Variants in PDE3B observed in about 807,000 individuals in gnomAD.
PDE3B encodes cGMP-inhibited 3',5'-cyclic phosphodiesterase 3B.
A neutral mutation model predicts 116.8 loss-of-function variants in PDE3B; 66 were observed. That is an observed-to-expected ratio of 0.56 (90% CI 0.46 to 0.69). The LOEUF (loss-of-function observed/expected upper bound fraction) is 0.69. Ranked by LOEUF, PDE3B falls within the 30% of genes least tolerant of loss-of-function variation. The pLI is 0.00. For missense variants in PDE3B, 1,384 were observed against 1,368.1 expected, an observed-to-expected ratio of 1.01 and a Z score of -0.18; for synonymous variants, 595 against 533.6, an observed-to-expected ratio of 1.12 and a Z score of -1.59.
chr11:14,685,680 T>G (rs1175219886), intron 1 of PDE3B, among the ~76,000 whole-genome samples: 1 of 152,086 alleles, frequency 6.6e-6, no homozygotes, highest in Non-Finnish European at 1.5e-5. Flanking sequence ...GGTCTTGAAC[T>G]CCTGACCTCA....
chr11:14,848,501 G>A (rs1263980077), intron 12 of PDE3B, among the ~76,000 whole-genome samples: 1 of 151,982 alleles, frequency 6.6e-6, no homozygotes, highest in African/African-American at 2.4e-5. Flanking sequence ...CAATTAGGCA[G>A]GAGAAGGAAA....
chr11:14,777,909 G>A (rs887358396), intron 2 of PDE3B, among the ~76,000 whole-genome samples: 2 of 152,156 alleles, frequency 1.3e-5, no homozygotes, highest in Non-Finnish European at 2.9e-5. Flanking sequence ...CCTAGCCAAG[G>A]GAAGCCATGA....
At chr11:14,794,167 C>T (rs541727109) in intron 4 of PDE3B, among the ~76,000 whole-genome samples, 1 of 152,266 alleles carries the variant, frequency 6.6e-6, no homozygotes, top group African/African-American at 2.4e-5. Flanking sequence ...AACTCAATTT[C>T]TTCCACCATA....
chr11:14,864,999 C>G (rs1848017236), intron 14 of PDE3B, among the ~76,000 whole-genome samples: 1 of 151,972 alleles, frequency 6.6e-6, no homozygotes, highest in African/African-American at 2.4e-5. Context: ...CAGAGCAGAA[C>G]TGAAGGAGAT....
the PDE3B span, among the ~76,000 whole-genome samples, chr11:14,882,109 T>C: frequency 6.6e-6 from 1 of 152,146 alleles, no homozygotes; most frequent in Non-Finnish European, 1.5e-5. Context: ...TACTCCCAGA[T>C]GACTATTCAT....
chr11:14,809,674 C>G (rs1049913114), intron 5 of PDE3B, among the ~76,000 whole-genome samples: 2 of 152,048 alleles, frequency 1.3e-5, no homozygotes, highest in African/African-American at 4.8e-5. Context: ...GAGGTTGGAG[C>G]CTTTGTGAAT....
At chr11:14,649,360 C>A (rs1422681021) in intron 1 of PDE3B, among the ~76,000 whole-genome samples, 1 of 152,138 alleles carries the variant, frequency 6.6e-6, no homozygotes, top group African/African-American at 2.4e-5. Context: ...TTTATCTAAT[C>A]TAATTGAAAT....
intron 1 of PDE3B, among the ~76,000 whole-genome samples, chr11:14,739,997 C>T (rs779655001): frequency 5.9e-5 from 9 of 152,036 alleles, no homozygotes; most frequent in East Asian, 1.9e-4. Context: ...CTGCTGGATT[C>T]GGTTTGCCAG....
chr11:14,809,956 G>A (rs955597937), intron 5 of PDE3B, among the ~76,000 whole-genome samples: 2 of 151,918 alleles, frequency 1.3e-5, no homozygotes, highest in African/African-American at 4.8e-5. Context: ...GGAGTACTGA[G>A]TTAATGGTTT....
At chr11:14,783,412 T>C (rs954785487) in intron 2 of PDE3B, among the ~76,000 whole-genome samples, 1 of 152,180 alleles carries the variant, frequency 6.6e-6, no homozygotes, top group Non-Finnish European at 1.5e-5. Flanking sequence ...ATATACACCA[T>C]GGAATACTAT....
chr11:14,643,923 G>T lies in PDE3B; in HGVS notation c.-153G>T. On this transcript the variant is annotated 5_prime_UTR_variant, in exon 1 of 16. Coordinates refer to ENST00000282096, the MANE Select transcript of PDE3B (RefSeq NM_000922.4). ...GACTCCGCCGCTCCTCAGTCCGCGC[G>T]GTGGGGACCCCGGGCCGTGGCGGCC... is the stretch of plus-strand genomic sequence containing the variant. 1.7e-6 allele frequency: 2 copies of T among 1,166,540 alleles called. No individual in the cohort carries two copies. Among genetic ancestry groups the T allele is most frequent in the Non-Finnish European group, 2.2e-6 (2 of 893,758 alleles). 72.3% of individuals were successfully genotyped at this position (1,166,540 alleles called of 1,614,324 possible).
intron 1 of PDE3B, among the ~76,000 whole-genome samples, chr11:14,691,137 G>A (rs1855031209): frequency 6.6e-6 from 1 of 152,128 alleles, no homozygotes; most frequent in Non-Finnish European, 1.5e-5. Context: ...TGATTTAATT[G>A]TTACTGTATT....
At position 14,843,968 on chromosome 11, in the gene PDE3B, A is replaced by G. The variant is rs374190636; in HGVS notation, c.2462A>G (p.His821Arg). 9.1e-5 allele frequency: 147 copies of G among 1,614,038 alleles called. No individual in the cohort carries two copies. Among genetic ancestry groups the G allele is most frequent in the Non-Finnish European group, 1.2e-4 (141 of 1,180,036 alleles). Residue 821 changes from histidine to arginine, a missense_variant, in exon 12 of 16, where the codon CAT (histidine) becomes CGT (arginine). By Grantham distance (29) the His-to-Arg change is conservative. Coordinates refer to ENST00000282096, the MANE Select transcript of PDE3B (RefSeq NM_000922.4). ...LMALYVAAAM[H>R]DYDHPGRTNA... is the part of the protein sequence containing the mutation. ...GCTCTATACGTGGCAGCTGCCATGC[A>G]TGATTATGATCACCCAGGGAGGACA...
rs529699156 is a variant in PDE3B, at chr11:14,778,304, G to A, written c.1029+6317G>A. 2.2e-4 allele frequency among the ~76,000 whole-genome samples: 33 copies of A among 152,280 alleles called. No individual in the cohort carries two copies. The South Asian group carries it at 6.4e-3, about 30-fold the overall frequency. On this transcript the variant is annotated intron_variant, in intron 2 of 15. Transcript: ENST00000282096. ...GACTTAAATGTCCCTGTCTGACAGC[G>A]TTGAAGAGAGGAGTGGTTCTCCCAG...
In PDE3B at chr11:14,870,442, CA is replaced by C. The variant is rs1848124445; in HGVS notation, c.*786del. On this transcript the variant is annotated 3_prime_UTR_variant, in exon 16 of 16. Transcript: ENST00000282096. The surrounding 1 kb of genome is among the most constrained non-coding windows in gnomAD (Gnocchi z 4.1). ...ACAATGAAGGGATTTATTCTTTAGTCAAAATTGTTGTTTTTACTCTAGCTCA... is the reference window on the plus strand; with the variant it reads ...ACAATGAAGGGATTTATTCTTTAGTCAAATTGTTGTTTTTACTCTAGCTCA... 6.6e-6 allele frequency: 1 copy of C among 152,324 alleles called. No homozygotes were observed. Among genetic ancestry groups the C allele is most frequent in the African/African-American group, 2.4e-5 (1 of 41,360 alleles). The allele number at this position is 152,324 out of a possible 1,614,324, so 9.4% of individuals were successfully genotyped here. A position where few individuals can be genotyped will look rare whatever the true frequency, so the allele number is the denominator to read the frequency against.
chr11:14,702,021 T>C (rs1855376456), intron 1 of PDE3B, among the ~76,000 whole-genome samples: 1 of 151,664 alleles, frequency 6.6e-6, no homozygotes, highest in Non-Finnish European at 1.5e-5. Flanking sequence ...TTCCCTTTTT[T>C]TGATTCTTTC....
At chr11:14,761,829 A>G (rs1302855050) in intron 1 of PDE3B, among the ~76,000 whole-genome samples, 3 of 152,300 alleles carry the variant, frequency 2.0e-5, no homozygotes, top group East Asian at 3.9e-4. Flanking sequence ...ACTAATTTCT[A>G]TCTGACTAAT....
At chr11:14,709,375 G>C (rs994880947) in intron 1 of PDE3B, among the ~76,000 whole-genome samples, 1 of 152,092 alleles carries the variant, frequency 6.6e-6, no homozygotes, top group Admixed American at 6.6e-5. Context: ...TCTGAAATCA[G>C]GGTGTACCTT....
At chr11:14,645,104 C>T in intron 1 of PDE3B, 51 bp downstream of exon 1, 1 of 1,417,472 alleles carries the variant, frequency 7.1e-7, no homozygotes, top group South Asian at 1.5e-5. Flanking sequence ...TCGGGTTTAC[C>T]GCTGCAGTTT....
Sources: gnomAD v4.1 joint callset for allele counts (sites outside exome capture counted in the v4.1 genomes callset) on GRCh38, gnomAD v4.1.1 for gene constraint, Gnocchi (gnomAD v3.1) non-coding constraint, MANE v1.5 for transcripts, NCBI Gene and HGNC (gene_info 2026-07-23, HGNC 2026-07-21) for gene names.